CEACAM16: variants seen among roughly 807,000 people sequenced by gnomAD.
CEACAM16 encodes the protein CEA cell adhesion molecule 16, tectorial membrane component, also known as cell adhesion molecule CEACAM16.
In CEACAM16, 30 loss-of-function variants were observed where a neutral mutation model predicts 39.4. The ratio of observed to expected loss-of-function variants is 0.76; its 90% CI spans 0.57 to 1.03. The LOEUF (loss-of-function observed/expected upper bound fraction) is 1.03, where lower values mean the gene tolerates loss of function less well. Among genes scored for constraint, CEACAM16 ranks in the 50% least tolerant of loss-of-function variants. CEACAM16 has a pLI of 0.00. For missense variants in CEACAM16, 521 were observed against 585.3 expected (o/e 0.89, Z 1.13); for synonymous variants, 262 against 264.9 (o/e 0.99, Z 0.11).
intron 4 of CEACAM16, among the ~76,000 whole-genome samples, chr19:44,704,939 T>G (rs367754529): frequency 6.6e-6 from 1 of 152,042 alleles, no homozygotes; most frequent in Non-Finnish European, 1.5e-5. Flanking sequence ...GGACACAAAA[T>G]TTAACAACAT....
intron 5 of CEACAM16, among the ~76,000 whole-genome samples, chr19:44,707,628 C>T (rs1050622947): frequency 5.3e-5 from 8 of 152,146 alleles, no homozygotes; most frequent in Non-Finnish European, 1.5e-5. Context: ...GGAGAGACAC[C>T]TCTCAAAGTC....
At position 44,710,709 on chromosome 19, in the gene CEACAM16, G is replaced by A. The variant is rs540979481; in HGVS notation, c.*203G>A. 11 of 601,302 alleles carry A rather than the reference G, an allele frequency of 1.8e-5. No homozygotes were observed. Among genetic ancestry groups the A allele is most frequent in the Non-Finnish European group, 2.6e-5 (9 of 342,356 alleles). The allele number at this position is 601,302 out of a possible 1,614,324, so 37.2% of individuals were successfully genotyped here. On this transcript the variant is annotated 3_prime_UTR_variant, in exon 7 of 7. Coordinates refer to ENST00000587331, the MANE Select transcript of CEACAM16 (RefSeq NM_001039213.4). ...GAGCCACCGAGGCCATAAACGTCCT[G>A]GTTAATGCACACGTGTGTCAGCCTC...
rs1171426602 is a variant in CEACAM16 at position 44,701,322 on chromosome 19, G to A, written c.-96-39G>A. ...TGGTGACTCGATCCCTCCAAATTCAGGTGATCTCCCCTGGCTCCAAATCAC... is the reference window on the plus strand; with the variant it reads ...TGGTGACTCGATCCCTCCAAATTCAAGTGATCTCCCCTGGCTCCAAATCAC... On this transcript the variant is annotated intron_variant, in intron 1 of 6. Transcript: ENST00000587331. This position sits in a 1 kb window ranked among gnomAD's most constrained non-coding sequence, Gnocchi z 4.0. The A allele has an allele frequency of 8.4e-6, 8 of 958,006 alleles. No individual in the cohort carries two copies. In the African/African-American group the frequency reaches 1.3e-4, roughly 16 times the overall value. 59.3% of individuals were successfully genotyped at this position (958,006 alleles called of 1,614,324 possible).
At position 44,701,841 on chromosome 19, in the gene CEACAM16, G is replaced by A. The variant is rs1278695781; in HGVS notation, c.37+348G>A. On this transcript the variant is annotated intron_variant, in intron 2 of 6. Coordinates refer to ENST00000587331, the MANE Select transcript of CEACAM16 (RefSeq NM_001039213.4). This position sits in a 1 kb window ranked among gnomAD's most constrained non-coding sequence, Gnocchi z 4.0. ...ACTCTTCCCAGCAGCTGTTTCTCCC[G>A]GAAGATGTAGCTTAGGGCAGTTGCC... Among the ~76,000 whole-genome samples the A allele has an allele frequency of 2.0e-5, 3 of 152,308 alleles. No homozygotes were observed. Among genetic ancestry groups the A allele is most frequent in the East Asian group, 3.9e-4 (2 of 5,188 alleles).
At chr19:44,706,313 A>ACAC (rs1568528647) in intron 5 of CEACAM16, among the ~76,000 whole-genome samples, 1 of 113,140 alleles carries the variant, frequency 8.8e-6, no homozygotes. Context: ...CACACACACA[A>ACAC]CTGAAGAATC....
chr19:44,706,269 TACACACACACACACACACACAC>T (rs57354088), intron 5 of CEACAM16, among the ~76,000 whole-genome samples: 1 of 132,616 alleles, frequency 7.5e-6, no homozygotes, highest in Non-Finnish European at 1.6e-5. Context: ...ATGATGGGTA[TACACACACACACACACACACAC>T]ACACACACAC....
chr19:44,704,756 A>G (rs2860314), intron 4 of CEACAM16, among the ~76,000 whole-genome samples: 1 of 124,750 alleles, frequency 8.0e-6, no homozygotes, highest in East Asian at 2.3e-4. Flanking sequence ...AACAAACAAA[A>G]AAAAACAACA....
chr19:44,707,676 A>G (rs1342479052), intron 5 of CEACAM16, among the ~76,000 whole-genome samples, 185 bp from the exon 6 acceptor site: 1 of 152,232 alleles, frequency 6.6e-6, no homozygotes, highest in Non-Finnish European at 1.5e-5. Flanking sequence ...CACAGACCCC[A>G]GCAGACACTA....
At chr19:44,707,292 C>T (rs1041330541) in intron 5 of CEACAM16, among the ~76,000 whole-genome samples, 21 of 152,146 alleles carry the variant, frequency 1.4e-4, no homozygotes, top group African/African-American at 5.1e-4. Context: ...GGGTCCCCAA[C>T]TTGATTGGAA....
rs1429827578 is a variant in CEACAM16, at chr19:44,701,421, A to T, written c.-36A>T. 10 of 1,555,682 alleles carry T rather than the reference A, an allele frequency of 6.4e-6. No homozygotes were observed. In the South Asian group the frequency reaches 1.1e-4, roughly 17 times the overall value. ...AGGGAGTCCGAGCACTGGGACTTCA[A>T]CGCCACCATCTCCAAGACTCGGTTT... On this transcript the variant is annotated 5_prime_UTR_variant, in exon 2 of 7. Coordinates refer to ENST00000587331, the MANE Select transcript of CEACAM16 (RefSeq NM_001039213.4). The surrounding 1 kb of genome is among the most constrained non-coding windows in gnomAD (Gnocchi z 4.0).
chr19:44,706,824 G>A (rs1974457883), intron 5 of CEACAM16, among the ~76,000 whole-genome samples: 1 of 152,214 alleles, frequency 6.6e-6, no homozygotes. Flanking sequence ...AGGGCTTCTA[G>A]CACTGTCAGC....
intron 3 of CEACAM16, 83 bp downstream of exon 3, chr19:44,703,776 A>AC (rs1206721885): frequency 1.6e-5 from 20 of 1,219,016 alleles, no homozygotes; most frequent in Non-Finnish European, 2.2e-5. Flanking sequence ...TAAAAAAAAA[A>AC]AAAATCCAAC....
At position 44,705,656 on chromosome 19, in the gene CEACAM16, A is replaced by T. The variant is rs1324225313; in HGVS notation, c.728A>T (p.Asp243Val). The change falls in exon 5 of 7, where the codon GAC (aspartate) becomes GTC (valine). Residue 243 changes from aspartate (D) to valine (V), a missense_variant. By Grantham distance (152) the Asp-to-Val change is radical (BLOSUM62 -3). Coordinates refer to ENST00000587331, the MANE Select transcript of CEACAM16 (RefSeq NM_001039213.4). ...CGCACAGGCTGCACCATCAAAGTTG[A>T]CTTCAACACGTCCCTCACCCTGTGG... Reference protein sequence around the residue: ...TTRTGCTIKVDFNTSLTLWCV... With the variant: ...TTRTGCTIKVVFNTSLTLWCV... 7 of 1,613,436 alleles carry T rather than the reference A, an allele frequency of 4.3e-6. No homozygotes were observed. The highest frequency in any genetic ancestry group is 5.1e-6 in the Non-Finnish European group (6 of 1,179,518).
At position 44,703,527 on chromosome 19, in the gene CEACAM16, A is replaced by G. The variant is rs947903215; in HGVS notation, c.216A>G (p.Thr72=). 6.2e-7 allele frequency: 1 copy of G among 1,613,614 alleles called. No homozygotes were observed. Among genetic ancestry groups the G allele is most frequent in the Admixed American group, 1.7e-5 (1 of 60,002 alleles). ...TGGTGGCCAGCTACATCGTGAGCAC[A>G]GGCGATGAGACTCCTGGCCCGGCCC... ...SYLVASYIVS[T]GDETPGPAHT... The change falls in exon 3 of 7, where the codon ACA becomes ACG. Residue 72 remains threonine (T), a synonymous_variant. Coordinates refer to ENST00000587331, the MANE Select transcript of CEACAM16 (RefSeq NM_001039213.4).
chr19:44,709,626 C>A (rs940786416), intron 6 of CEACAM16, among the ~76,000 whole-genome samples: 1 of 147,996 alleles, frequency 6.8e-6, no homozygotes, highest in Non-Finnish European at 1.5e-5. Flanking sequence ...AGACTGGGAG[C>A]TCCCAGAGTC....
Position 44,710,606 on chromosome 19 carries a change from G to A in CEACAM16, c.*100G>A, listed in dbSNP as rs1159095819. On this transcript the variant is annotated 3_prime_UTR_variant, in exon 7 of 7. Coordinates refer to ENST00000587331, the MANE Select transcript of CEACAM16 (RefSeq NM_001039213.4). ...CCACTCCCCCACAGCGAGGATGCCA[G>A]GCTGTGGTCCTGCTGTTCTCCTGCC... The A allele has an allele frequency of 4.6e-6, 7 of 1,519,716 alleles. No individual in the cohort carries two copies. Among genetic ancestry groups the A allele is most frequent in the African/African-American group, 2.7e-5 (2 of 73,226 alleles). The allele number at this position is 1,519,716 out of a possible 1,614,324, so 94.1% of individuals were successfully genotyped here.
At chr19:44,702,180 C>T (rs886859442) in intron 2 of CEACAM16, among the ~76,000 whole-genome samples, 1 of 152,050 alleles carries the variant, frequency 6.6e-6, no homozygotes. Flanking sequence ...GTAGTCCCAG[C>T]TGCTCGGGAG....
At chr19:44,707,427 G>A (rs1035661448) in intron 5 of CEACAM16, among the ~76,000 whole-genome samples, 14 of 152,178 alleles carry the variant, frequency 9.2e-5, no homozygotes, top group African/African-American at 3.4e-4. Context: ...TCTGATGGAG[G>A]AGCTATGGCT....
intron 4 of CEACAM16, among the ~76,000 whole-genome samples, 194 bp from the exon 5 acceptor site, chr19:44,705,396 A>G (rs1048870039): frequency 6.6e-6 from 1 of 152,154 alleles, no homozygotes; most frequent in Admixed American, 6.6e-5. Context: ...TACAGGAGAG[A>G]AAGGTGAGAT....
Sources: allele counts gnomAD v4.1 joint callset (sites outside exome capture counted in the v4.1 genomes callset), GRCh38; gene constraint gnomAD v4.1.1; non-coding constraint Gnocchi (gnomAD v3.1); transcripts MANE v1.5; gene names NCBI Gene and HGNC (gene_info 2026-07-23, HGNC 2026-07-21).